Variants in IL10RB observed in about 807,000 individuals in gnomAD.
IL10RB encodes interleukin 10 receptor subunit beta, also known as interleukin-10 receptor subunit beta.
Under a neutral mutation model 38.7 loss-of-function variants are expected in IL10RB, and 30 were observed. The ratio of observed to expected loss-of-function variants is 0.78; its 90% CI spans 0.58 to 1.05. The LOEUF (loss-of-function observed/expected upper bound fraction) is 1.05. IL10RB is among the 50% of genes least tolerant of loss of function. The pLI is 0.00. For missense variants in IL10RB, 328 were observed against 397.1 expected, an observed-to-expected ratio of 0.83 and a Z score of 1.48; for synonymous variants, 142 against 145.9, an observed-to-expected ratio of 0.97 and a Z score of 0.19.
downstream of IL10RB, among the ~76,000 whole-genome samples, chr21:33,300,456 A>C (rs913899981): frequency 2.1e-5 from 3 of 144,290 alleles, no homozygotes; most frequent in African/African-American, 5.2e-5. Flanking sequence ...AAAAAAAAAA[A>C]GGTAAACAAA....
At chr21:33,292,875 C>T (rs975716871) in intron 6 of IL10RB, among the ~76,000 whole-genome samples, 1 of 152,204 alleles carries the variant, frequency 6.6e-6, no homozygotes, top group Non-Finnish European at 1.5e-5. Context: ...GGGCTGCAGG[C>T]TGCACGGCCC....
At chr21:33,298,475 G>A (rs548984545), downstream of IL10RB, among the ~76,000 whole-genome samples, 18 of 152,160 alleles carry the variant, frequency 1.2e-4, no homozygotes, top group Middle Eastern at 3.4e-3. Flanking sequence ...TTAGCCAGGC[G>A]TGGTGGTGCA....
intron 2 of IL10RB, among the ~76,000 whole-genome samples, chr21:33,274,397 C>T (rs1475450883): frequency 6.6e-6 from 1 of 152,050 alleles, no homozygotes; most frequent in African/African-American, 2.4e-5. Context: ...TGGTCTCGAA[C>T]TCCTGACCTC....
At chr21:33,284,310 AAAG>A (rs1490489292) in intron 5 of IL10RB, among the ~76,000 whole-genome samples, 7 of 150,256 alleles carry the variant, frequency 4.7e-5, no homozygotes, top group Admixed American at 6.6e-5. Context: ...AAAAAAAAAA[AAAG>A]AAAAGAAAAC....
intron 4 of IL10RB, among the ~76,000 whole-genome samples, chr21:33,280,348 G>A (rs1989257978): frequency 6.6e-6 from 1 of 152,156 alleles, no homozygotes; most frequent in Admixed American, 6.5e-5. Context: ...AAAAACATGG[G>A]CTTGGAGTCA....
At chr21:33,287,738 T>C (rs1246845194) in intron 5 of IL10RB, among the ~76,000 whole-genome samples, 1 of 152,126 alleles carries the variant, frequency 6.6e-6, no homozygotes, top group Non-Finnish European at 1.5e-5. Context: ...AGATGGTGCC[T>C]GTGTTTAACT....
At chr21:33,271,855 G>A (rs1032546537) in intron 2 of IL10RB, among the ~76,000 whole-genome samples, 1 of 152,148 alleles carries the variant, frequency 6.6e-6, no homozygotes, top group East Asian at 1.9e-4. Flanking sequence ...ACTTTGGGGG[G>A]CCAAGGTAGG....
intron 5 of IL10RB, among the ~76,000 whole-genome samples, chr21:33,284,707 C>A (rs1309977041): frequency 6.6e-6 from 1 of 152,116 alleles, no homozygotes; most frequent in African/African-American, 2.4e-5. Context: ...GAGTGAGTGA[C>A]TTCCTGAGAG....
At chr21:33,288,979 C>T (rs979172703) in intron 6 of IL10RB, among the ~76,000 whole-genome samples, 1 of 152,148 alleles carries the variant, frequency 6.6e-6, no homozygotes, top group Admixed American at 6.5e-5. Context: ...GGGAATAATA[C>T]CCTAAAGGAG....
chr21:33,272,527 G>T (rs1338279631), intron 2 of IL10RB, among the ~76,000 whole-genome samples: 4 of 152,182 alleles, frequency 2.6e-5, no homozygotes, highest in African/African-American at 9.7e-5. Context: ...TCTCACTGCA[G>T]CCTCCACCTC....
At chr21:33,272,690 T>C (rs745936021) in intron 2 of IL10RB, among the ~76,000 whole-genome samples, 117 of 152,212 alleles carry the variant, frequency 7.7e-4, no homozygotes, top group Non-Finnish European at 1.5e-3. Flanking sequence ...CAAGTGATCC[T>C]CTGCCTCGGC....
intron 1 of IL10RB, among the ~76,000 whole-genome samples, chr21:33,304,039 G>C (rs1445362933): frequency 1.3e-5 from 2 of 152,198 alleles, no homozygotes; most frequent in African/African-American, 4.8e-5. Context: ...GGCTGATGGG[G>C]CAGTGCCAGA....
chr21:33,307,980 A>G (rs552967497), intron 1 of IL10RB, among the ~76,000 whole-genome samples: 114 of 152,290 alleles, frequency 7.5e-4, no homozygotes, highest in African/African-American at 2.7e-3. Flanking sequence ...TGTTGAATGC[A>G]TGGATGTATG....
chr21:33,291,264 A>G (rs904650033), intron 6 of IL10RB, among the ~76,000 whole-genome samples: 1 of 138,346 alleles, frequency 7.2e-6, no homozygotes, highest in Non-Finnish European at 1.6e-5. Context: ...ATTAGGACAT[A>G]TGAATTTCTT....
intron 4 of IL10RB, among the ~76,000 whole-genome samples, chr21:33,280,271 G>A (rs1275311251): frequency 1.3e-5 from 2 of 152,134 alleles, no homozygotes; most frequent in African/African-American, 4.8e-5. Context: ...CACACACACC[G>A]CAAATCAGGG....
chr21:33,282,134 A>G (rs978107774), intron 4 of IL10RB, among the ~76,000 whole-genome samples: 1 of 151,594 alleles, frequency 6.6e-6, no homozygotes, highest in African/African-American at 2.4e-5. Context: ...CATTTTCTTC[A>G]TATATTCCAT....
At chr21:33,289,442 T>TG (rs35622372) in intron 6 of IL10RB, among the ~76,000 whole-genome samples, 152,272 of 152,276 alleles carry the variant, frequency 1, 76,134 homozygotes, top group Middle Eastern at 1. Context: ...CTTCCTCCGC[T>TG]GCCCTGAGGG....
intron 1 of IL10RB, among the ~76,000 whole-genome samples, chr21:33,267,024 C>A (rs1988966494): frequency 6.6e-6 from 1 of 152,138 alleles, no homozygotes; most frequent in Admixed American, 6.5e-5. Context: ...CCGGTTCAGG[C>A]CCGAGCACCC....
Position 33,279,829 on chromosome 21 carries a change from G to A in IL10RB, c.409G>A (p.Glu137Lys). ...LHMRFLAPKI[E>K]NEYETWTMKN... The stretch of plus-strand genomic sequence containing the variant: ...TATGCGTTTCTTAGCCCCTAAAATT[G>A]AGAATGAATACGAAACTTGGACTAT... The change falls in exon 4 of 7, where the codon GAG becomes AAG. Residue 137 changes from glutamate to lysine, a missense_variant. Transcript: ENST00000290200. The A allele has an allele frequency of 6.2e-7, 1 of 1,613,512 alleles. No homozygotes were observed.
Sources: allele counts gnomAD v4.1 joint callset (sites outside exome capture counted in the v4.1 genomes callset), GRCh38; gene constraint gnomAD v4.1.1; transcripts MANE v1.5; gene names NCBI Gene and HGNC (gene_info 2026-07-23, HGNC 2026-07-21).